Variants in DCAF4 observed in about 807,000 individuals in gnomAD.
DCAF4 encodes DDB1 and CUL4 associated factor 4.
Under a neutral mutation model 60.9 loss-of-function variants are expected in DCAF4, and 37 were observed. That is an observed-to-expected ratio of 0.61 (90% CI 0.47 to 0.80). The LOEUF is 0.80. Among genes scored for constraint, DCAF4 ranks in the 30% least tolerant of loss-of-function variants. DCAF4 has a pLI of 0.00. For synonymous variants in DCAF4, 243 were observed against 254.8 expected (o/e 0.95, Z 0.44); for missense variants, 577 against 650.0 (o/e 0.89, Z 1.22).
intron 4 of DCAF4, chr14:72,940,648 T>C (rs1889924130): frequency 3.3e-6 from 1 of 305,520 alleles, no homozygotes; most frequent in African/African-American, 2.3e-5. Flanking sequence ...TGGAGTACAG[T>C]GGCATGATCT....
Position 72,940,244 on chromosome 14 carries a change from C to A in DCAF4, c.218C>A (p.Pro73His). Reference sequence around the variant, plus strand: ...GAGCTACCTGGGTTTTACTTTGACCCTGAAAAGAAACGCTACTTCCGCTTG... The same window carrying A: ...GAGCTACCTGGGTTTTACTTTGACCATGAAAAGAAACGCTACTTCCGCTTG... ...VPELPGFYFD[P>H]EKKRYFRLLP... is the part of the protein sequence containing the mutation. Residue 73 changes from proline to histidine, a missense_variant, in exon 4 of 14, where the codon CCT becomes CAT. Transcript: ENST00000358377. 6.2e-7 allele frequency: 1 copy of A among 1,614,016 alleles called. No individual in the cohort carries two copies. Among genetic ancestry groups the A allele is most frequent in the Non-Finnish European group, 8.5e-7 (1 of 1,180,002 alleles).
At chr14:72,940,103 C>T (rs878888326) in intron 3 of DCAF4, 117 bp from the exon 4 acceptor site, 1 of 1,415,878 alleles carries the variant, frequency 7.1e-7, no homozygotes, top group Non-Finnish European at 9.9e-7. Flanking sequence ...GGCAGCTCAT[C>T]CCCGCCCTCA....
intron 11 of DCAF4, among the ~76,000 whole-genome samples, 166 bp from the exon 12 acceptor site, chr14:72,955,357 C>T (rs538513953): frequency 3.2e-4 from 49 of 152,214 alleles, no homozygotes; most frequent in African/African-American, 1.1e-3. Flanking sequence ...AACAAGGAAT[C>T]ATCCTCCCTT....
At chr14:72,941,110 C>A (rs760365835) in intron 4 of DCAF4, among the ~76,000 whole-genome samples, 2 of 152,120 alleles carry the variant, frequency 1.3e-5, no homozygotes, top group African/African-American at 2.4e-5. Context: ...ATTACAGGAA[C>A]CTGCCACCAT....
At chr14:72,953,724 AAAAAAAAAATATATATATATATATATAT>A (rs1891770517) in intron 9 of DCAF4, among the ~76,000 whole-genome samples, 1 of 50,156 alleles carries the variant, frequency 2.0e-5, no homozygotes, top group African/African-American at 1.0e-4. Context: ...AAAAAAAAAA[AAAAAAAAAATATATATATATATATATAT>A]ATATATATAT....
chr14:72,951,214 C>G (rs537626152), intron 8 of DCAF4, among the ~76,000 whole-genome samples: 14 of 152,178 alleles, frequency 9.2e-5, no homozygotes, highest in African/African-American at 3.1e-4. Context: ...CTCCTGGACT[C>G]GAGTGATCCT....
chr14:72,952,009 G>C, intron 9 of DCAF4, 132 bp downstream of exon 9: 1 of 894,790 alleles, frequency 1.1e-6, no homozygotes, highest in Non-Finnish European at 1.7e-6. Context: ...CCCAGGGTTA[G>C]TACCAGAAGC....
Position 72,940,550 on chromosome 14 carries a change from G to A in DCAF4, c.351+173G>A, listed in dbSNP as rs564602473. 1.6e-3 allele frequency: 897 copies of A among 565,830 alleles called. 22 individuals carry two copies. In the South Asian group the frequency reaches 0.025, roughly 16 times the overall value. The allele number at this position is 565,830 out of a possible 1,614,324, so 35.1% of individuals were successfully genotyped here. On this transcript the variant is annotated intron_variant, in intron 4 of 13. Transcript: ENST00000358377. ...AGAAGACAAGAATAAGAACAGCCAA[G>A]AGCCCCCTTCTTCCATCCCCGTTTT...
chr14:72,942,763 G>T, intron 5 of DCAF4: 1 of 524,114 alleles, frequency 1.9e-6, no homozygotes. Context: ...CCCACTCTTT[G>T]ACTCTGCAAA....
Position 72,929,424 on chromosome 14 carries a change from G to A in DCAF4, c.-9+2881G>A, listed in dbSNP as rs1888205147. Among the ~76,000 whole-genome samples the A allele has an allele frequency of 2.0e-5, 3 of 152,198 alleles. No homozygotes were observed. The South Asian group carries it at 6.2e-4, about 31-fold the overall frequency. Reference sequence around the variant, plus strand: ...TGTGTTAAATCTCAGATTTGCTGCCGCGCGTGGTGGCTCACGCCTGTCATC... The same window carrying A: ...TGTGTTAAATCTCAGATTTGCTGCCACGCGTGGTGGCTCACGCCTGTCATC... On this transcript the variant is annotated intron_variant, in intron 1 of 13. Transcript: ENST00000358377.
chr14:72,947,250 G>T, intron 8 of DCAF4, 59 bp downstream of exon 8: 1 of 1,588,680 alleles, frequency 6.3e-7, no homozygotes, highest in South Asian at 1.1e-5. Flanking sequence ...GTTGGACCTG[G>T]GTATCTGTGG....
intron 13 of DCAF4, chr14:72,956,976 G>GC: frequency 5.5e-6 from 1 of 181,208 alleles, no homozygotes; most frequent in Admixed American, 5.5e-5. Flanking sequence ...ACTTTGGGAG[G>GC]CCAAGGAGGG....
rs192151995 is a variant in DCAF4, at chr14:72,939,915, G to C, written c.193+13G>C. 6.3e-7 allele frequency: 1 copy of C among 1,591,146 alleles called. No homozygotes were observed. Among genetic ancestry groups the C allele is most frequent in the Non-Finnish European group, 8.6e-7 (1 of 1,168,874 alleles). ...TCCTCTGTGCCAGGTAAGGCCACTT[G>C]CGGGGTGGGAATCCTGGCCCTTGCA... On this transcript the variant is annotated intron_variant, in intron 3 of 13. Transcript: ENST00000358377.
chr14:72,957,507 A>T (rs983490741), intron 13 of DCAF4: 2 of 152,230 alleles, frequency 1.3e-5, no homozygotes, highest in African/African-American at 4.8e-5. Flanking sequence ...TGTGGCTAGG[A>T]AGCATTACTT....
intron 12 of DCAF4, 152 bp from the exon 13 acceptor site, chr14:72,956,234 T>C: frequency 1.7e-6 from 1 of 589,644 alleles, no homozygotes; most frequent in Admixed American, 3.4e-5. Context: ...TTACATGCTT[T>C]TGATGAACAA....
At position 72,958,791 on chromosome 14, in the gene DCAF4, TA is replaced by T; in HGVS notation, c.1475del (p.Tyr492SerfsTer21). ...GGCTGTCGGGCAGGACCTTTACTGT[TA>T]CTCCTACAGCTAATTCTGCAGGGCA... ...LMAVGQDLYC[Y>X]SYS is the part of the protein sequence containing the mutation. On this transcript the variant is annotated frameshift_variant, in exon 14 of 14. Coordinates refer to ENST00000358377, the MANE Select transcript of DCAF4 (RefSeq NM_015604.4). LOFTEE classifies it high-confidence loss of function. 1 of 1,572,840 alleles carries T rather than the reference TA, an allele frequency of 6.4e-7. No homozygotes were observed. The highest frequency in any genetic ancestry group is 1.2e-5 in the South Asian group (1 of 83,254).
chr14:72,936,676 T>C (rs749627923), intron 1 of DCAF4, among the ~76,000 whole-genome samples: 7 of 152,150 alleles, frequency 4.6e-5, no homozygotes, highest in South Asian at 4.2e-4. Context: ...AGAGAAATCA[T>C]GAACTCACTT....
At chr14:72,930,272 TTTTG>T (rs1293765733) in intron 1 of DCAF4, among the ~76,000 whole-genome samples, 2 of 151,984 alleles carry the variant, frequency 1.3e-5, no homozygotes, top group South Asian at 4.2e-4. Flanking sequence ...ACGGAGTTTT[TTTTG>T]TTTGTTTTTG....
At chr14:72,932,664 G>A (rs1320070670) in intron 1 of DCAF4, among the ~76,000 whole-genome samples, 2 of 152,186 alleles carry the variant, frequency 1.3e-5, no homozygotes, top group African/African-American at 4.8e-5. Context: ...CATGTTACCA[G>A]CAAATTGTTT....
Sources: gnomAD v4.1 joint callset for allele counts (sites outside exome capture counted in the v4.1 genomes callset) on GRCh38, gnomAD v4.1.1 for gene constraint, MANE v1.5 for transcripts, NCBI Gene and HGNC (gene_info 2026-07-23, HGNC 2026-07-21) for gene names.